Variants in METTL15 observed in about 807,000 individuals in gnomAD.
METTL15 encodes the protein 12S rRNA N(4)-cytidine methyltransferase METTL15.
Under a neutral mutation model 38.3 loss-of-function variants are expected in METTL15, and 34 were observed. That is an observed-to-expected ratio of 0.89 (90% CI 0.68 to 1.18). METTL15 has a LOEUF of 1.18. Among genes scored for constraint, METTL15 ranks in the 50% most tolerant of loss-of-function variants. The pLI is 0.00. For synonymous variants in METTL15, 162 were observed against 170.9 expected (o/e 0.95, Z 0.41); for missense variants, 438 against 498.4 (o/e 0.88, Z 1.15).
chr11:28,485,139 A>T (rs1041383890), intron 6 of METTL15, among the ~76,000 whole-genome samples: 3 of 150,364 alleles, frequency 2.0e-5, no homozygotes, highest in South Asian at 2.1e-4. Context: ...ACACACACAC[A>T]CTCACACCCC....
downstream of METTL15, among the ~76,000 whole-genome samples, chr11:28,530,448 A>G (rs888099423): frequency 1.6e-4 from 24 of 152,278 alleles, no homozygotes; most frequent in Middle Eastern, 3.4e-3. Context: ...TAGCAATCTG[A>G]TTTAAATTAC....
At chr11:28,207,166 A>G (rs983310785) in intron 3 of METTL15, among the ~76,000 whole-genome samples, 4 of 150,478 alleles carry the variant, frequency 2.7e-5, no homozygotes, top group African/African-American at 7.4e-5. Flanking sequence ...GTGGTGAGAG[A>G]GGGCATCCGT....
intron 6 of METTL15, among the ~76,000 whole-genome samples, chr11:28,309,364 T>C (rs1857194405): frequency 6.6e-6 from 1 of 152,176 alleles, no homozygotes; most frequent in South Asian, 2.1e-4. Flanking sequence ...TTTTTTCTCT[T>C]GGTCTATACC....
At chr11:28,128,946 T>G (rs575847155) in intron 3 of METTL15, among the ~76,000 whole-genome samples, 52 of 152,324 alleles carry the variant, frequency 3.4e-4, no homozygotes, top group African/African-American at 1.2e-3. Flanking sequence ...CTTTGTTAGG[T>G]TAATTTATTC....
intron 6 of METTL15, among the ~76,000 whole-genome samples, chr11:28,298,565 G>C (rs1270905719): frequency 1.3e-5 from 2 of 152,008 alleles, no homozygotes; most frequent in Non-Finnish European, 2.9e-5. Flanking sequence ...TTGTAAACTT[G>C]CGGAAATAAC....
At chr11:28,270,514 G>A (rs1488158415) in intron 4 of METTL15, among the ~76,000 whole-genome samples, 1 of 152,098 alleles carries the variant, frequency 6.6e-6, no homozygotes, top group Admixed American at 6.6e-5. Flanking sequence ...AATATTATGC[G>A]GTGATCAAGA....
At chr11:28,406,390 G>T (rs944453210) in intron 5 of METTL15, among the ~76,000 whole-genome samples, 2 of 152,002 alleles carry the variant, frequency 1.3e-5, no homozygotes, top group South Asian at 2.1e-4. Context: ...CCTATTGTTG[G>T]TGTAAAGGAA....
intron 3 of METTL15, among the ~76,000 whole-genome samples, chr11:28,174,495 A>G (rs1057458593): frequency 1.3e-5 from 2 of 152,090 alleles, no homozygotes; most frequent in African/African-American, 2.4e-5. Flanking sequence ...GGACTCAAAT[A>G]TTAATTCCAG....
At chr11:28,416,458 G>T (rs536384351) in intron 5 of METTL15, among the ~76,000 whole-genome samples, 7 of 152,192 alleles carry the variant, frequency 4.6e-5, no homozygotes, top group Non-Finnish European at 1.0e-4. Flanking sequence ...CTCCAATTAA[G>T]TATGTCCCCT....
chr11:28,168,606 A>G, intron 3 of METTL15, among the ~76,000 whole-genome samples: 1 of 120,774 alleles, frequency 8.3e-6, no homozygotes, highest in South Asian at 2.6e-4. Context: ...TCCTAATGCT[A>G]TCCCTCCCCC....
intron 5 of METTL15, among the ~76,000 whole-genome samples, chr11:28,419,912 G>A (rs1850805416): frequency 6.6e-6 from 1 of 152,078 alleles, no homozygotes; most frequent in Non-Finnish European, 1.5e-5. Flanking sequence ...TAGTAGAATT[G>A]ATCAAACAGA....
At chr11:28,524,981 G>A (rs1284178166) in intron 6 of METTL15, among the ~76,000 whole-genome samples, 2 of 152,132 alleles carry the variant, frequency 1.3e-5, no homozygotes, top group African/African-American at 2.4e-5. Context: ...TGGCTCAGGA[G>A]TGAAGCTGCA....
At chr11:28,213,563 G>T (rs1230668925) in intron 4 of METTL15, among the ~76,000 whole-genome samples, 2 of 143,320 alleles carry the variant, frequency 1.4e-5, no homozygotes, top group African/African-American at 2.6e-5. Context: ...TACCGTAATA[G>T]AAATTAGAAG....
chr11:28,467,755 G>A (rs1851268755), intron 6 of METTL15, among the ~76,000 whole-genome samples: 1 of 152,124 alleles, frequency 6.6e-6, no homozygotes, highest in South Asian at 2.1e-4. Context: ...GAGTGATGAG[G>A]AAGAAAGACA....
intron 6 of METTL15, among the ~76,000 whole-genome samples, chr11:28,457,042 G>T (rs370175157): frequency 6.6e-6 from 1 of 152,162 alleles, no homozygotes; most frequent in Non-Finnish European, 1.5e-5. Flanking sequence ...TTATGCCATT[G>T]AATTTGGGTT....
intron 4 of METTL15, among the ~76,000 whole-genome samples, chr11:28,279,063 A>G (rs189398080): frequency 3.7e-4 from 57 of 152,228 alleles, no homozygotes; most frequent in Middle Eastern, 3.4e-3. Flanking sequence ...TTGGGCTCAA[A>G]CAATGCTTCT....
intron 3 of METTL15, among the ~76,000 whole-genome samples, chr11:28,210,528 A>C (rs771545086): frequency 2.6e-5 from 4 of 151,876 alleles, no homozygotes; most frequent in Non-Finnish European, 5.9e-5. Context: ...TTATTATTAC[A>C]GATACAATCT....
chr11:28,438,841 AT>A (rs1371421321), intron 6 of METTL15, among the ~76,000 whole-genome samples: 1 of 151,322 alleles, frequency 6.6e-6, no homozygotes, highest in Non-Finnish European at 1.5e-5. Flanking sequence ...TGCCCAGCTA[AT>A]TTTTGTATTT....
chr11:28,330,407 CCCTCTG>C lies in METTL15; in HGVS notation c.792_797del (p.Ser265_Ala266del), dbSNP rs1436860850. The stretch of plus-strand genomic sequence containing the variant: ...AACATTTGTTTTAGGAGCATTTCCT[CCCTCTG>C]CTATTTATACACGGAAAGACTTACT... On this transcript the variant is annotated inframe_deletion, in exon 7 of 7. Transcript: ENST00000407364. The C allele has an allele frequency of 1.1e-5, 17 of 1,540,472 alleles. No homozygotes were observed. In the African/African-American group the frequency reaches 2.3e-4, roughly 21 times the overall value.
Sources: allele counts gnomAD v4.1 joint callset (sites outside exome capture counted in the v4.1 genomes callset), GRCh38; gene constraint gnomAD v4.1.1; transcripts MANE v1.5; gene names NCBI Gene and HGNC (gene_info 2026-07-23, HGNC 2026-07-21).